The following COPZ1 variants were observed in gnomAD, a reference collection of about 807,000 sequenced individuals.
COPZ1 encodes coat protein complex I subunit zeta 1.
COPZ1 carries 4 observed loss-of-function variants against 31.7 expected under a neutral mutation model. The ratio of observed to expected loss-of-function variants is 0.13; its 90% CI spans 0.06 to 0.29. The LOEUF is 0.29. COPZ1 is among the 10% of genes least tolerant of loss of function. The pLI, the probability that COPZ1 is intolerant of heterozygous loss-of-function variation, is 1.00. For missense variants in COPZ1, 156 were observed against 211.5 expected, an observed-to-expected ratio of 0.74 and a Z score of 1.63; for synonymous variants, 74 against 79.0, an observed-to-expected ratio of 0.94 and a Z score of 0.33.
rs766764049 is a variant in COPZ1, at chr12:54,350,047, T to C, written c.486+389T>C. Reference sequence around the variant, plus strand: ...AGCTGGAAATGCATATTCTAGAATATGCAGGTTTTGCAGATCCATCTTGCT... The same window carrying C: ...AGCTGGAAATGCATATTCTAGAATACGCAGGTTTTGCAGATCCATCTTGCT... On this transcript the variant is annotated intron_variant, in intron 8 of 8. Coordinates refer to ENST00000262061, the MANE Select transcript of COPZ1 (RefSeq NM_016057.3). 1.4e-4 allele frequency: 83 copies of C among 599,858 alleles called. 1 individual carries two copies. The highest frequency in any genetic ancestry group is 4.4e-4 in the Middle Eastern group (1 of 2,278). 37.2% of individuals were successfully genotyped at this position (599,858 alleles called of 1,614,324 possible). A position where few individuals can be genotyped will look rare whatever the true frequency, so the allele number is the denominator to read the frequency against.
At chr12:54,347,897 C>T in intron 6 of COPZ1, 53 bp downstream of exon 6, 1 of 1,607,986 alleles carries the variant, frequency 6.2e-7, no homozygotes, top group South Asian at 1.1e-5. Context: ...ATAACTGCCC[C>T]TGTCCTAAGT....
At position 54,342,853 on chromosome 12, in the gene COPZ1, C is replaced by CT. The variant is rs11321130; in HGVS notation, c.170-351dup. On this transcript the variant is annotated intron_variant, in intron 3 of 8. Coordinates refer to ENST00000262061, the MANE Select transcript of COPZ1 (RefSeq NM_016057.3). ...TACTAGGAATTCATGGTAACGCCTT[C>CT]TTTTTTTTTTTTTTTTTTTTTGAGA... is the stretch of plus-strand genomic sequence containing the variant. Among the ~76,000 whole-genome samples the CT allele has an allele frequency of 4.4e-3, 415 of 94,588 alleles. 3 individuals carry two copies. The highest frequency in any genetic ancestry group is 8.4e-3 in the Admixed American group (69 of 8,216). The allele number at this position is 94,588 out of a possible 152,430, so 62.1% of individuals were successfully genotyped here. A position where few individuals can be genotyped will look rare whatever the true frequency, so the allele number is the denominator to read the frequency against.
chr12:54,349,734 T>G, intron 8 of COPZ1, 76 bp downstream of exon 8: 1 of 1,174,278 alleles, frequency 8.5e-7, no homozygotes, highest in Non-Finnish European at 1.3e-6. Context: ...CCCATACCTC[T>G]CAAATCTGAG....
At chr12:54,331,588 C>T (rs1276518954) in intron 1 of COPZ1, among the ~76,000 whole-genome samples, 1 of 152,126 alleles carries the variant, frequency 6.6e-6, no homozygotes, top group Non-Finnish European at 1.5e-5. Flanking sequence ...TAGAGGGAGA[C>T]TAAAACCAGA....
chr12:54,338,945 G>C (rs2137099370), intron 1 of COPZ1, among the ~76,000 whole-genome samples: 1 of 152,276 alleles, frequency 6.6e-6, no homozygotes, highest in Non-Finnish European at 1.5e-5. Flanking sequence ...TATGTTTGTA[G>C]AGGCTGCAGT....
chr12:54,327,515 T>G (rs960151893), intron 1 of COPZ1, among the ~76,000 whole-genome samples: 10 of 152,208 alleles, frequency 6.6e-5, no homozygotes, highest in Middle Eastern at 3.4e-3. Flanking sequence ...CAGGCTGGTC[T>G]TGAACTCTTG....
intron 5 of COPZ1, among the ~76,000 whole-genome samples, chr12:54,345,913 C>T (rs563852658): frequency 2.0e-5 from 3 of 150,204 alleles, no homozygotes; most frequent in South Asian, 4.2e-4. Flanking sequence ...GCCGAGATCG[C>T]GCCACTGCAC....
At chr12:54,338,363 G>A (rs2137098502) in intron 1 of COPZ1, among the ~76,000 whole-genome samples, 1 of 152,320 alleles carries the variant, frequency 6.6e-6, no homozygotes, top group East Asian at 1.9e-4. Flanking sequence ...CTTTCTGTGA[G>A]GAATTAGGAG....
intron 1 of COPZ1, among the ~76,000 whole-genome samples, chr12:54,332,363 T>C (rs1373146733): frequency 6.6e-6 from 1 of 152,206 alleles, no homozygotes; most frequent in East Asian, 1.9e-4. Context: ...AGAAAGGTCC[T>C]GAGACTTTGC....
intron 5 of COPZ1, among the ~76,000 whole-genome samples, chr12:54,346,962 A>G (rs1954074543): frequency 1.3e-5 from 2 of 151,212 alleles, no homozygotes; most frequent in Admixed American, 1.3e-4. Flanking sequence ...TAGATGGGTA[A>G]TAGAAGAGAT....
In COPZ1 at chr12:54,334,477, C is replaced by CTT. The variant is rs1953818361; in HGVS notation, c.19-6069_19-6068dup. On this transcript the variant is annotated intron_variant, in intron 1 of 8. Coordinates refer to ENST00000262061, the MANE Select transcript of COPZ1 (RefSeq NM_016057.3). ...TCCCTGTCAAAGACTTTAGCTAATT[C>CTT]TTCTTTTCTTTTCATCTGAAGTCTA... Among the ~76,000 whole-genome samples, 7 of 152,056 alleles carry CTT rather than the reference C, an allele frequency of 4.6e-5. No homozygotes were observed. The South Asian group carries it at 1.5e-3, about 32-fold the overall frequency.
intron 7 of COPZ1, 72 bp from the exon 8 acceptor site, chr12:54,349,545 TCTC>T (rs1388610851): frequency 8.4e-7 from 1 of 1,196,572 alleles, no homozygotes; most frequent in Non-Finnish European, 1.3e-6. Flanking sequence ...ACTTTTTTCT[TCTC>T]TAATACCAGA....
intron 1 of COPZ1, among the ~76,000 whole-genome samples, chr12:54,329,254 A>G (rs891761184): frequency 3.3e-5 from 5 of 152,080 alleles, no homozygotes; most frequent in African/African-American, 4.8e-5. Flanking sequence ...GTGGAATCTT[A>G]AAGATAAGGA....
chr12:54,349,607 C>T lies in COPZ1; in HGVS notation c.448-13C>T, dbSNP rs1954115021. The T allele has an allele frequency of 6.2e-7, 1 of 1,609,888 alleles. No individual in the cohort carries two copies. The highest frequency in any genetic ancestry group is 1.7e-5 in the Admixed American group (1 of 60,006). On this transcript the variant is annotated splice_polypyrimidine_tract_variant and intron_variant, in intron 7 of 8. Transcript: ENST00000262061. Reference sequence around the variant, plus strand: ...TTTCTCCCACACTAAATGCTTGTATCTCTGTGCCATAGGGTGAAGATGTCC... The same window carrying T: ...TTTCTCCCACACTAAATGCTTGTATTTCTGTGCCATAGGGTGAAGATGTCC...
chr12:54,338,425 TTCCCTCCA>T lies in COPZ1; in HGVS notation c.19-2121_19-2114del, dbSNP rs530960505. Among the ~76,000 whole-genome samples, 415 of 152,284 alleles carry T rather than the reference TTCCCTCCA, an allele frequency of 2.7e-3. 4 individuals are homozygous for T. Among genetic ancestry groups the T allele is most frequent in the African/African-American group, 9.8e-3 (406 of 41,554 alleles). On this transcript the variant is annotated intron_variant, in intron 1 of 8. Transcript: ENST00000262061. The stretch of plus-strand genomic sequence containing the variant: ...CTTTTAAGACTAGACTCTAGAGGAC[TTCCCTCCA>T]CTAGGCAACAAAGTTCTTTAGTTTG...
chr12:54,325,812 C>CTTTTTT (rs892843887), intron 1 of COPZ1: 5 of 120,496 alleles, frequency 4.1e-5, no homozygotes, highest in Non-Finnish European at 8.7e-5. Context: ...CTTAGGAATT[C>CTTTTTT]TTTTTTTTTT....
intron 2 of COPZ1, among the ~76,000 whole-genome samples, 163 bp downstream of exon 2, chr12:54,340,778 C>T (rs1213009566): frequency 2.0e-5 from 3 of 151,902 alleles, no homozygotes; most frequent in African/African-American, 7.3e-5. Flanking sequence ...ATCACCCAGG[C>T]TGGAGTGCAA....
chr12:54,343,409 T>C lies in COPZ1; in HGVS notation c.261+93T>C, dbSNP rs544904103. ...CTGGTTTGGGGCCCTAATAGAGCCGTGTTCCTCTGGCTTCTGACCAAGCTA... is the reference window on the plus strand; with the variant it reads ...CTGGTTTGGGGCCCTAATAGAGCCGCGTTCCTCTGGCTTCTGACCAAGCTA... On this transcript the variant is annotated intron_variant, in intron 4 of 8. Coordinates refer to ENST00000262061, the MANE Select transcript of COPZ1 (RefSeq NM_016057.3). 98 of 1,039,776 alleles carry C rather than the reference T, an allele frequency of 9.4e-5. 1 individual carries two copies. The African/African-American group carries it at 1.4e-3, about 15-fold the overall frequency. 64.4% of individuals were successfully genotyped at this position (1,039,776 alleles called of 1,614,324 possible). A position where few individuals can be genotyped will look rare whatever the true frequency, so the allele number is the denominator to read the frequency against.
chr12:54,331,365 G>A (rs937225113), intron 1 of COPZ1, among the ~76,000 whole-genome samples: 2 of 151,852 alleles, frequency 1.3e-5, no homozygotes, highest in Admixed American at 1.3e-4. Context: ...ATTTTTAGTA[G>A]AGACGGGGTT....
Sources: allele counts gnomAD v4.1 joint callset (sites outside exome capture counted in the v4.1 genomes callset), GRCh38; gene constraint gnomAD v4.1.1; transcripts MANE v1.5; gene names NCBI Gene and HGNC (gene_info 2026-07-23, HGNC 2026-07-21).